The following GRK7 variants were observed in gnomAD, a reference collection of about 807,000 sequenced individuals.
GRK7 encodes the protein rhodopsin kinase GRK7.
Under a neutral mutation model 34.1 loss-of-function variants are expected in GRK7, and 24 were observed. That is an observed-to-expected ratio of 0.70 (90% CI 0.51 to 0.99). The LOEUF (loss-of-function observed/expected upper bound fraction) is 0.99, where lower values mean the gene tolerates loss of function less well. GRK7 is among the 50% of genes least tolerant of loss of function. GRK7 has a pLI of 0.00. For synonymous variants in GRK7, 256 were observed against 279.4 expected (o/e 0.92, Z 0.84); for missense variants, 644 against 707.3 (o/e 0.91, Z 1.02).
chr3:141,789,002 A>T (rs2084710322), intron 4 of GRK7, among the ~76,000 whole-genome samples: 1 of 152,048 alleles, frequency 6.6e-6, no homozygotes, highest in South Asian at 2.1e-4. Context: ...TTTAGTAGAG[A>T]TGGGATTTCA....
At chr3:141,763,010 G>A (rs1445318033), upstream of GRK7, among the ~76,000 whole-genome samples, 1 of 152,318 alleles carries the variant, frequency 6.6e-6, no homozygotes, top group Non-Finnish European at 1.5e-5. Context: ...GCACCCACTG[G>A]CCTGCGCCCA....
In GRK7 at chr3:141,807,729, T is replaced by G. The variant is rs1304014760; in HGVS notation, c.1135T>G (p.Cys379Gly). The change falls in exon 5 of 6, where the codon TGC becomes GGC. Residue 379 changes from cysteine to glycine, a missense_variant. Coordinates refer to ENST00000682958, the MANE Select transcript of GRK7 (RefSeq NM_139209.3). ...TCCTGTGGACTGGTTTGCCATGGGA[T>G]GCAGCATTTATGAAATGGTTGCTGG... Reference protein sequence around the residue: ...SYPVDWFAMGCSIYEMVAGRT... With the variant: ...SYPVDWFAMGGSIYEMVAGRT... 2 of 1,614,108 alleles carry G rather than the reference T, an allele frequency of 1.2e-6. No individual in the cohort carries two copies. The highest frequency in any genetic ancestry group is 1.7e-6 in the Non-Finnish European group (2 of 1,179,928).
intron 5 of GRK7, among the ~76,000 whole-genome samples, chr3:141,811,946 A>G (rs1320036022): frequency 6.6e-6 from 1 of 152,220 alleles, no homozygotes; most frequent in Non-Finnish European, 1.5e-5. Flanking sequence ...GGGATCAACT[A>G]CAGGGTCTTC....
upstream of GRK7, among the ~76,000 whole-genome samples, chr3:141,763,126 C>G (rs923069489): frequency 1.3e-5 from 2 of 152,216 alleles, no homozygotes; most frequent in African/African-American, 2.4e-5. Flanking sequence ...CGGAGCTGTT[C>G]CTATTCGGCC....
rs2084656997 is a variant in GRK7, at chr3:141,778,968, T to A, written c.612+72T>A. The A allele has an allele frequency of 7.1e-7, 1 of 1,405,754 alleles. No individual in the cohort carries two copies. The highest frequency in any genetic ancestry group is 1.4e-5 in the African/African-American group (1 of 69,388). 87.1% of individuals were successfully genotyped at this position (1,405,754 alleles called of 1,614,324 possible). On this transcript the variant is annotated intron_variant, in intron 3 of 5. Coordinates refer to ENST00000682958, the MANE Select transcript of GRK7 (RefSeq NM_139209.3). The surrounding 1 kb of genome is among the most constrained non-coding windows in gnomAD (Gnocchi z 4.1). ...GAAAGGGGGTAATGTTGCCTTTCTT[T>A]TTTTAAATCTCAGTTACTTAGAACT...
rs1227940299 is a variant in GRK7, at chr3:141,807,871, T to C, written c.1277T>C (p.Ile426Thr). The C allele has an allele frequency of 6.2e-7, 1 of 1,609,814 alleles. No homozygotes were observed. The highest frequency in any genetic ancestry group is 1.7e-5 in the Admixed American group (1 of 59,648). ...HDNFTEEAKD[I>T]CRLFLAKKPE... ...AACTTCACAGAGGAAGCAAAAGATA[T>C]TTGCAGGCTCTTCTTGGCTAAGAAA... Residue 426 changes from isoleucine (I) to threonine (T), a missense_variant, in exon 5 of 6, where the codon ATT (isoleucine) becomes ACT (threonine). Transcript: ENST00000682958.
At chr3:141,781,049 T>A (rs1340969763) in intron 4 of GRK7, among the ~76,000 whole-genome samples, 1 of 152,064 alleles carries the variant, frequency 6.6e-6, no homozygotes, top group Admixed American at 6.6e-5. Context: ...CCTTTGTGAG[T>A]TGGGGATGGC....
intron 5 of GRK7, among the ~76,000 whole-genome samples, chr3:141,814,593 G>A (rs1455370588): frequency 1.3e-5 from 2 of 152,106 alleles, no homozygotes; most frequent in African/African-American, 4.8e-5. Flanking sequence ...TCCATATTGT[G>A]TATGTACCAC....
chr3:141,751,794 C>T, the GRK7 span, among the ~76,000 whole-genome samples: 7 of 152,200 alleles, frequency 4.6e-5, no homozygotes, highest in African/African-American at 1.7e-4. Context: ...ATTTCAAAGG[C>T]TCAGTAGTCA....
At chr3:141,806,850 T>A (rs1711041586) in intron 4 of GRK7, among the ~76,000 whole-genome samples, 2 of 152,012 alleles carry the variant, frequency 1.3e-5, no homozygotes, top group Non-Finnish European at 2.9e-5. Context: ...GAACTTACAC[T>A]GCAAAATGAT....
chr3:141,805,947 C>T (rs182943830), intron 4 of GRK7, among the ~76,000 whole-genome samples: 1 of 152,304 alleles, frequency 6.6e-6, no homozygotes, highest in African/African-American at 2.4e-5. Flanking sequence ...CAGGCACACA[C>T]CACTGCATCC....
intron 4 of GRK7, among the ~76,000 whole-genome samples, chr3:141,803,280 A>G (rs1375846634): frequency 1.3e-5 from 2 of 151,518 alleles, no homozygotes; most frequent in Admixed American, 6.6e-5. Flanking sequence ...AAAAAAAAAA[A>G]AAAAAGCCAG....
chr3:141,786,046 A>G (rs1241908259), intron 4 of GRK7, among the ~76,000 whole-genome samples: 3 of 152,216 alleles, frequency 2.0e-5, no homozygotes, highest in Admixed American at 6.5e-5. Flanking sequence ...AGGAGAAAAG[A>G]ACAACATCCA....
At chr3:141,810,296 C>T (rs1241837650) in intron 5 of GRK7, among the ~76,000 whole-genome samples, 1 of 149,480 alleles carries the variant, frequency 6.7e-6, no homozygotes, top group East Asian at 2.0e-4. Flanking sequence ...CTCTCTCTCT[C>T]TCTCCCCATC....
chr3:141,807,249 A>G (rs930877854), intron 4 of GRK7, among the ~76,000 whole-genome samples: 3 of 152,166 alleles, frequency 2.0e-5, no homozygotes, highest in African/African-American at 7.2e-5. Context: ...CTAATTTTCT[A>G]TTATCTGTGA....
the GRK7 span, among the ~76,000 whole-genome samples, chr3:141,751,715 A>T: frequency 3.3e-5 from 5 of 152,254 alleles, no homozygotes. Context: ...TACTAGCCAC[A>T]TGTAGCTATG....
At chr3:141,796,009 A>G (rs1559845014) in intron 4 of GRK7, among the ~76,000 whole-genome samples, 1 of 152,126 alleles carries the variant, frequency 6.6e-6, no homozygotes, top group East Asian at 1.9e-4. Flanking sequence ...CATCTAATCT[A>G]ATATAGACAC....
chr3:141,777,248 G>A (rs1175864651), intron 2 of GRK7, among the ~76,000 whole-genome samples: 1 of 150,960 alleles, frequency 6.6e-6, no homozygotes, highest in Non-Finnish European at 1.5e-5. Flanking sequence ...TCCAGGCCAA[G>A]TCCCTTCATT....
intron 4 of GRK7, among the ~76,000 whole-genome samples, chr3:141,789,653 G>T (rs1369404186): frequency 2.4e-5 from 1 of 42,422 alleles, no homozygotes; most frequent in Non-Finnish European, 4.3e-5. Flanking sequence ...GATGCCAAAT[G>T]GGCAAAAAAA....
Sources: gnomAD v4.1 joint callset for allele counts (sites outside exome capture counted in the v4.1 genomes callset) on GRCh38, gnomAD v4.1.1 for gene constraint, Gnocchi (gnomAD v3.1) non-coding constraint, MANE v1.5 for transcripts, NCBI Gene and HGNC (gene_info 2026-07-23, HGNC 2026-07-21) for gene names.